The following THOP1 variants were observed in gnomAD, a reference collection of about 807,000 sequenced individuals.
The protein encoded by THOP1 is thimet oligopeptidase.
A neutral mutation model predicts 71.8 loss-of-function variants in THOP1; 49 were observed. That is an observed-to-expected ratio of 0.68 (90% CI 0.54 to 0.87). THOP1 has a LOEUF of 0.87. THOP1 is among the 40% of genes least tolerant of loss of function. THOP1 has a pLI of 0.00. For missense variants in THOP1, 843 were observed against 975.6 expected (o/e 0.86, Z 1.81); for synonymous variants, 426 against 421.5 (o/e 1.01, Z -0.13).
intron 2 of THOP1, 48 bp downstream of exon 2, chr19:2,790,681 G>A (rs753699942): frequency 1.4e-5 from 21 of 1,466,824 alleles, no homozygotes; most frequent in Non-Finnish European, 1.9e-5. Context: ...GCCGAGGGAG[G>A]TGGCACCGCA....
chr19:2,790,708 C>T, intron 2 of THOP1, 75 bp downstream of exon 2: 1 of 1,356,414 alleles, frequency 7.4e-7, no homozygotes, highest in Middle Eastern at 2.0e-4. Context: ...AGTAGCCCAG[C>T]CCGTGGAGCC....
chr19:2,794,096 C>T (rs1220856302), intron 2 of THOP1, among the ~76,000 whole-genome samples: 3 of 151,736 alleles, frequency 2.0e-5, no homozygotes, highest in African/African-American at 7.3e-5. Context: ...CTCGCTGCAA[C>T]CTCCACCTCC....
At position 2,796,735 on chromosome 19, in the gene THOP1, G is replaced by A. The variant is rs553456053; in HGVS notation, c.486+547G>A. On this transcript the variant is annotated intron_variant, in intron 4 of 12. Transcript: ENST00000307741. Reference sequence around the variant, plus strand: ...TGTGGCCCCCTGCCCCTGCCTCCTCGGGAGCGTCCCCCCTTCAGGGCTGAC... The same window carrying A: ...TGTGGCCCCCTGCCCCTGCCTCCTCAGGAGCGTCCCCCCTTCAGGGCTGAC... Among the ~76,000 whole-genome samples, 17 of 152,162 alleles carry A rather than the reference G, an allele frequency of 1.1e-4. No individual in the cohort carries two copies. In the South Asian group the frequency reaches 1.7e-3, roughly 15 times the overall value.
chr19:2,786,721 C>G (rs1054384279), intron 1 of THOP1, among the ~76,000 whole-genome samples: 1 of 149,738 alleles, frequency 6.7e-6, no homozygotes, highest in Non-Finnish European at 1.5e-5. Flanking sequence ...GCTTCAGCCT[C>G]CCAAGCAGCT....
At chr19:2,808,116 G>T (rs1916356553) in intron 8 of THOP1, 127 bp from the exon 9 acceptor site, 2 of 1,092,514 alleles carry the variant, frequency 1.8e-6, no homozygotes, top group African/African-American at 1.6e-5. Flanking sequence ...CTGCTGAGAG[G>T]GAGGTTTAGA....
In THOP1 at chr19:2,804,398, C is replaced by G. The variant is rs1170188364; in HGVS notation, c.590-618C>G. 1.3e-5 allele frequency among the ~76,000 whole-genome samples: 2 copies of G among 152,156 alleles called. No individual in the cohort carries two copies. Among genetic ancestry groups the G allele is most frequent in the Non-Finnish European group, 2.9e-5 (2 of 68,030 alleles). The stretch of plus-strand genomic sequence containing the variant: ...GGAATTGGGTCTCTCTGGAGGGACA[C>G]ACTTGAAAGTGGTTGAGCCGTGGGG... On this transcript the variant is annotated intron_variant, in intron 5 of 12. Transcript: ENST00000307741. This position sits in a 1 kb window ranked among gnomAD's most constrained non-coding sequence, Gnocchi z 4.7.
At chr19:2,791,851 C>T (rs891284006) in intron 2 of THOP1, among the ~76,000 whole-genome samples, 4 of 152,228 alleles carry the variant, frequency 2.6e-5, no homozygotes, top group Non-Finnish European at 4.4e-5. Flanking sequence ...CCGCTTCCCT[C>T]AGGGTGACGC....
Position 2,811,637 on chromosome 19 carries a change from G to T in THOP1, c.1811G>T (p.Gly604Val). 1 of 1,613,408 alleles carries T rather than the reference G, an allele frequency of 6.2e-7. No homozygotes were observed. The change falls in exon 12 of 13, where the codon GGC becomes GTC. Residue 604 changes from glycine (G) to valine (V), a missense_variant. Physicochemically the swap from Gly to Val is moderately radical, Grantham distance 109 (BLOSUM62 -3). Transcript: ENST00000307741. Reference protein sequence around the residue: ...MPATFGHLAGGYDAQYYGYLW... With the variant: ...MPATFGHLAGVYDAQYYGYLW... ...GCAACCTTCGGCCATCTGGCAGGTG[G>T]CTACGACGCCCAGTACTACGGGTAC... is the stretch of plus-strand genomic sequence containing the variant.
At chr19:2,809,055 A>T (rs1007474162) in intron 9 of THOP1, among the ~76,000 whole-genome samples, 5 of 152,146 alleles carry the variant, frequency 3.3e-5, no homozygotes, top group African/African-American at 1.2e-4. Flanking sequence ...ACAGTCAGCA[A>T]TCGCTCCTCA....
chr19:2,813,293 T>G lies in THOP1; in HGVS notation c.*17T>G. On this transcript the variant is annotated 3_prime_UTR_variant, in exon 13 of 13. Transcript: ENST00000307741. ...GTCTGCTGAGGCCTGGCACTGCGACTGCCCAGTCTGGCCTGCGCTCCCGCC... is the reference window on the plus strand; with the variant it reads ...GTCTGCTGAGGCCTGGCACTGCGACGGCCCAGTCTGGCCTGCGCTCCCGCC... 6.3e-7 allele frequency: 1 copy of G among 1,599,032 alleles called. No individual in the cohort carries two copies. Among genetic ancestry groups the G allele is most frequent in the Non-Finnish European group, 8.5e-7 (1 of 1,173,816 alleles).
At chr19:2,797,748 A>T (rs1459737299) in intron 4 of THOP1, among the ~76,000 whole-genome samples, 1 of 152,230 alleles carries the variant, frequency 6.6e-6, no homozygotes, top group East Asian at 1.9e-4. Flanking sequence ...GTCAGGGAGC[A>T]TCTGTACAGG....
intron 6 of THOP1, chr19:2,806,362 A>G (rs1027337751): frequency 2.6e-5 from 4 of 153,216 alleles, no homozygotes; most frequent in African/African-American, 7.2e-5. Context: ...CCTGGCCCCT[A>G]TTTGGCTGGC....
At position 2,807,740 on chromosome 19, in the gene THOP1, G is replaced by A. The variant is rs762807311; in HGVS notation, c.1185G>A (p.Arg395=). The part of the protein sequence containing the change: ...EGASAWHEDV[R]LYTARDAASG... ...CCAGTGCCTGGCATGAGGACGTGCG[G>A]CTCTACACCGCGAGGGACGCGGCCT... Residue 395 remains arginine, a synonymous_variant, in exon 8 of 13, where the codon CGG becomes CGA. Coordinates refer to ENST00000307741, the MANE Select transcript of THOP1 (RefSeq NM_003249.5). 1.9e-6 allele frequency: 3 copies of A among 1,578,526 alleles called. No homozygotes were observed. Among genetic ancestry groups the A allele is most frequent in the Non-Finnish European group, 2.6e-6 (3 of 1,158,770 alleles).
intron 4 of THOP1, among the ~76,000 whole-genome samples, chr19:2,797,545 A>G (rs991114454): frequency 6.6e-6 from 1 of 152,244 alleles, no homozygotes; most frequent in Non-Finnish European, 1.5e-5. Flanking sequence ...CCGAAGTTAC[A>G]TGAGATACCC....
intron 1 of THOP1, 26 bp downstream of exon 1, chr19:2,785,704 C>T: frequency 1.4e-6 from 2 of 1,432,198 alleles, no homozygotes; most frequent in East Asian, 5.6e-5. Context: ...CTCGCCGGAC[C>T]CGGGCGTCCC....
At chr19:2,790,374 T>C (rs778687734) in intron 1 of THOP1, 47 bp from the exon 2 acceptor site, 1 of 1,481,638 alleles carries the variant, frequency 6.7e-7, no homozygotes, top group Admixed American at 2.4e-5. Context: ...TGACCCTAAC[T>C]GAACCGAAAG....
chr19:2,804,427 C>T lies in THOP1; in HGVS notation c.590-589C>T, dbSNP rs1338674410. Among the ~76,000 whole-genome samples, 4 of 152,216 alleles carry T rather than the reference C, an allele frequency of 2.6e-5. No homozygotes were observed. The highest frequency in any genetic ancestry group is 3.9e-4 in the East Asian group (2 of 5,158). ...TGAAAGTGGTTGAGCCGTGGGGCTG[C>T]GTGCTGAGATCTCAGCTCTGAGCGG... On this transcript the variant is annotated intron_variant, in intron 5 of 12. Transcript: ENST00000307741. The surrounding 1 kb of genome is among the most constrained non-coding windows in gnomAD (Gnocchi z 4.7).
At chr19:2,802,265 ACCCACCTCCCGACACC>A (rs1261203873) in intron 5 of THOP1, among the ~76,000 whole-genome samples, 2 of 14,404 alleles carry the variant, frequency 1.4e-4, no homozygotes, top group Non-Finnish European at 2.9e-4. Flanking sequence ...CTCCCGACAC[ACCCACCTCCCGACACC>A]CCCACCTCCC....
chr19:2,793,883 T>C (rs574568572), intron 2 of THOP1, among the ~76,000 whole-genome samples: 1 of 152,252 alleles, frequency 6.6e-6, no homozygotes, highest in African/African-American at 2.4e-5. Flanking sequence ...CTTTTGTCAA[T>C]TGTGAATCGC....
Sources: allele counts gnomAD v4.1 joint callset (sites outside exome capture counted in the v4.1 genomes callset), GRCh38; gene constraint gnomAD v4.1.1; non-coding constraint Gnocchi (gnomAD v3.1); transcripts MANE v1.5; gene names NCBI Gene and HGNC (gene_info 2026-07-23, HGNC 2026-07-21).